Variants in POU2F1 observed in about 807,000 individuals in gnomAD.
POU2F1 encodes the protein POU domain, class 2, transcription factor 1.
POU2F1 carries 16 observed loss-of-function variants against 84.9 expected under a neutral mutation model. The ratio of observed to expected loss-of-function variants is 0.19; its 90% confidence interval spans 0.13 to 0.29. POU2F1 has a LOEUF of 0.29. Among genes scored for constraint, POU2F1 ranks in the 10% least tolerant of loss-of-function variants. POU2F1 has a pLI of 1.00. For synonymous variants in POU2F1, 368 were observed against 368.3 expected, an observed-to-expected ratio of 1.00 and a Z score of 0.01; for missense variants, 738 against 942.6, an observed-to-expected ratio of 0.78 and a Z score of 2.84.
chr1:167,328,286 TAATG>T (rs1656841230), intron 1 of POU2F1, among the ~76,000 whole-genome samples: 1 of 152,206 alleles, frequency 6.6e-6, no homozygotes, highest in South Asian at 2.1e-4. Context: ...GATTTGTAGA[TAATG>T]AATTTCTATA....
At chr1:167,276,658 G>A (rs1356262330) in intron 1 of POU2F1, among the ~76,000 whole-genome samples, 1 of 152,068 alleles carries the variant, frequency 6.6e-6, no homozygotes, top group Non-Finnish European at 1.5e-5. Flanking sequence ...ATAAGTAAAA[G>A]CAATTAAATT....
chr1:167,296,780 T>G (rs1438740443), intron 1 of POU2F1, among the ~76,000 whole-genome samples: 1 of 152,224 alleles, frequency 6.6e-6, no homozygotes. Context: ...AAAAGTCAGA[T>G]CATATCTGTA....
At chr1:167,345,580 GAAGGCAGGAAGCTGCTACCGT>G (rs1172377502) in intron 2 of POU2F1, among the ~76,000 whole-genome samples, 1 of 152,180 alleles carries the variant, frequency 6.6e-6, no homozygotes, top group East Asian at 1.9e-4. Flanking sequence ...TGTTTCTGAG[GAAGGCAGGAAGCTGCTACCGT>G]TTAACTGGCT....
chr1:167,307,988 A>G (rs1655197803), intron 1 of POU2F1, among the ~76,000 whole-genome samples: 1 of 152,026 alleles, frequency 6.6e-6, no homozygotes, highest in African/African-American at 2.4e-5. Flanking sequence ...AAGTCATGCC[A>G]TGCATCTTTG....
Position 167,283,905 on chromosome 1 carries a change from G to T in POU2F1, c.62-48565G>T, listed in dbSNP as rs183665276. On this transcript the variant is annotated intron_variant, in intron 1 of 15. Transcript: ENST00000367866. ...AATAACAGCCTAAGTGGTTAATTTT[G>T]TTCCTTATCCCTACAGTAAACAAAT... Among the ~76,000 whole-genome samples, 123 of 152,212 alleles carry T rather than the reference G, an allele frequency of 8.1e-4. 1 individual carries two copies. In the East Asian group the frequency reaches 0.022, roughly 27 times the overall value.
intron 1 of POU2F1, among the ~76,000 whole-genome samples, chr1:167,239,941 G>A (rs1308302564): frequency 6.6e-6 from 1 of 150,724 alleles, no homozygotes. Flanking sequence ...TTTGGGGATG[G>A]AAAGGCTTTT....
chr1:167,324,691 C>T (rs1440516439), intron 1 of POU2F1, among the ~76,000 whole-genome samples: 2 of 152,132 alleles, frequency 1.3e-5, no homozygotes, highest in South Asian at 2.1e-4. Context: ...TGTTTAGTAG[C>T]TATGTGACCC....
intron 1 of POU2F1, among the ~76,000 whole-genome samples, chr1:167,241,805 A>G (rs564326256): frequency 2.0e-5 from 3 of 152,338 alleles, no homozygotes; most frequent in African/African-American, 7.2e-5. Flanking sequence ...CTGAGGTACA[A>G]CGAAGTTAGG....
intron 1 of POU2F1, among the ~76,000 whole-genome samples, chr1:167,328,312 A>G (rs1656842714): frequency 6.6e-6 from 1 of 152,210 alleles, no homozygotes; most frequent in Admixed American, 6.5e-5. Context: ...TCTTTAAGAT[A>G]CTTTATACAC....
At chr1:167,264,853 C>T (rs904316376) in intron 1 of POU2F1, among the ~76,000 whole-genome samples, 1 of 152,144 alleles carries the variant, frequency 6.6e-6, no homozygotes, top group Non-Finnish European at 1.5e-5. Context: ...GATCTTCCCA[C>T]GGTTTCCCAT....
chr1:167,273,244 G>A (rs927419368), intron 1 of POU2F1, among the ~76,000 whole-genome samples: 3 of 152,164 alleles, frequency 2.0e-5, no homozygotes, highest in Non-Finnish European at 4.4e-5. Context: ...TGTCTTTACA[G>A]GCTGTCGTTG....
At chr1:167,407,041 A>T (rs1374097524) in intron 13 of POU2F1, among the ~76,000 whole-genome samples, 1 of 33,970 alleles carries the variant, frequency 2.9e-5, no homozygotes, top group African/African-American at 4.4e-5. Context: ...TATATATTTT[A>T]TTATTATTAT....
intron 13 of POU2F1, among the ~76,000 whole-genome samples, chr1:167,406,053 T>C (rs1454628334): frequency 1.5e-5 from 2 of 134,316 alleles, no homozygotes; most frequent in African/African-American, 4.9e-5. Context: ...TAAGCTTAGA[T>C]AAATAGCACA....
At chr1:167,221,595 G>A (rs994334957) in intron 1 of POU2F1, among the ~76,000 whole-genome samples, 2 of 150,396 alleles carry the variant, frequency 1.3e-5, no homozygotes, top group African/African-American at 4.9e-5. Context: ...CGGCCCTCAG[G>A]GCAACCGGGG....
At chr1:167,241,101 C>T (rs552389294) in intron 1 of POU2F1, among the ~76,000 whole-genome samples, 33 of 152,246 alleles carry the variant, frequency 2.2e-4, no homozygotes, top group Non-Finnish European at 4.0e-4. Flanking sequence ...AAGATCGCAC[C>T]ATTGCACTCC....
intron 1 of POU2F1, among the ~76,000 whole-genome samples, chr1:167,250,028 C>A (rs1571164274): frequency 6.6e-6 from 1 of 152,112 alleles, no homozygotes; most frequent in East Asian, 1.9e-4. Context: ...TAGAATAATG[C>A]AAAATCTTCA....
chr1:167,399,496 G>T, intron 12 of POU2F1, 131 bp downstream of exon 12: 1 of 831,244 alleles, frequency 1.2e-6, no homozygotes, highest in Non-Finnish European at 1.8e-6. Context: ...ATGTAAATTT[G>T]TATTTTAGAC....
chr1:167,372,762 A>G (rs954216451), intron 5 of POU2F1, among the ~76,000 whole-genome samples: 21 of 152,158 alleles, frequency 1.4e-4, no homozygotes, highest in African/African-American at 5.1e-4. Flanking sequence ...TTAAGCTTTT[A>G]AGTTTTCAGC....
intron 1 of POU2F1, among the ~76,000 whole-genome samples, chr1:167,268,765 C>A (rs1557858312): frequency 1.3e-5 from 2 of 152,128 alleles, no homozygotes; most frequent in Non-Finnish European, 2.9e-5. Context: ...GCAATGCACA[C>A]CGAGTAGTAA....
Sources: allele counts gnomAD v4.1 joint callset (sites outside exome capture counted in the v4.1 genomes callset), GRCh38; gene constraint gnomAD v4.1.1; transcripts MANE v1.5; gene names NCBI Gene and HGNC (gene_info 2026-07-23, HGNC 2026-07-21).